The following ZBTB7C variants were observed in gnomAD, a reference collection of about 807,000 sequenced individuals.
The protein encoded by ZBTB7C is zinc finger and BTB domain containing 7C.
ZBTB7C carries 8 observed loss-of-function variants against 25.7 expected under a neutral mutation model. The ratio of observed to expected loss-of-function variants is 0.31; its 90% confidence interval spans 0.18 to 0.56. The LOEUF is 0.56. ZBTB7C is among the 20% of genes least tolerant of loss of function. The pLI is 0.91. For synonymous variants in ZBTB7C, 394 were observed against 369.0 expected, an observed-to-expected ratio of 1.07 and a Z score of -0.78; for missense variants, 824 against 855.2, an observed-to-expected ratio of 0.96 and a Z score of 0.46.
At chr18:48,107,779 G>A (rs961666294) in intron 3 of ZBTB7C, among the ~76,000 whole-genome samples, 5 of 152,134 alleles carry the variant, frequency 3.3e-5, no homozygotes, top group African/African-American at 9.7e-5. Context: ...GCTCAGGCAC[G>A]AGCTTGTCTC....
intron 3 of ZBTB7C, among the ~76,000 whole-genome samples, chr18:48,159,600 A>G (rs901579246): frequency 2.0e-5 from 3 of 152,154 alleles, no homozygotes; most frequent in African/African-American, 7.2e-5. Context: ...GCCAAGCTCA[A>G]CTCTCCTAAG....
At chr18:48,278,920 T>G (rs1347371196) in intron 2 of ZBTB7C, among the ~76,000 whole-genome samples, 1 of 151,992 alleles carries the variant, frequency 6.6e-6, no homozygotes, top group Non-Finnish European at 1.5e-5. Flanking sequence ...TTTCTGGATT[T>G]TTCTGTGTTG....
chr18:48,196,391 G>A (rs966053453), intron 2 of ZBTB7C, among the ~76,000 whole-genome samples: 17 of 152,160 alleles, frequency 1.1e-4, no homozygotes, highest in Non-Finnish European at 5.9e-5. Flanking sequence ...ACAGACAACA[G>A]CCAAATGCAC....
At chr18:48,399,461 G>C (rs919533192) in intron 1 of ZBTB7C, among the ~76,000 whole-genome samples, 1 of 152,216 alleles carries the variant, frequency 6.6e-6, no homozygotes, top group Non-Finnish European at 1.5e-5. Context: ...GTTCAAGGCA[G>C]CCTGTTGCGT....
chr18:48,052,006 G>A (rs2036706867), intron 3 of ZBTB7C, among the ~76,000 whole-genome samples: 1 of 152,190 alleles, frequency 6.6e-6, no homozygotes, highest in Non-Finnish European at 1.5e-5. Flanking sequence ...TACTACTTGT[G>A]TTTATTACAG....
intron 1 of ZBTB7C, among the ~76,000 whole-genome samples, chr18:48,339,187 T>C (rs902660312): frequency 1.3e-5 from 2 of 152,216 alleles, no homozygotes; most frequent in African/African-American, 4.8e-5. Flanking sequence ...CAGCCCTGCA[T>C]CTCTGAGCAG....
rs574501609 is a variant in ZBTB7C at position 48,344,048 on chromosome 18, G to A, written c.-303-5650C>T. ...CACCTAGGCTGGAGTGCAGTGGCACGATCTCGGCTCACTGCAACCTCCACC... is the reference window on the plus strand; with the variant it reads ...CACCTAGGCTGGAGTGCAGTGGCACAATCTCGGCTCACTGCAACCTCCACC... On this transcript the variant is annotated intron_variant, in intron 1 of 4. Transcript: ENST00000590800. Among the ~76,000 whole-genome samples the A allele has an allele frequency of 1.1e-4, 16 of 152,250 alleles. No homozygotes were observed. In the South Asian group the frequency reaches 1.5e-3, roughly 14 times the overall value.
intron 3 of ZBTB7C, among the ~76,000 whole-genome samples, chr18:48,056,818 G>A (rs959992743): frequency 6.6e-6 from 1 of 151,852 alleles, no homozygotes; most frequent in Non-Finnish European, 1.5e-5. Context: ...TAATTGCAAA[G>A]GAAAAATATT....
intron 2 of ZBTB7C, among the ~76,000 whole-genome samples, chr18:48,231,119 G>A (rs961597562): frequency 1.3e-5 from 2 of 152,186 alleles, no homozygotes; most frequent in Non-Finnish European, 1.5e-5. Flanking sequence ...TGGCACTGTG[G>A]ATGGCCGGTT....
chr18:48,127,676 C>G (rs2144754248), intron 3 of ZBTB7C, among the ~76,000 whole-genome samples: 1 of 152,352 alleles, frequency 6.6e-6, no homozygotes, highest in East Asian at 1.9e-4. Flanking sequence ...ACCTTTCATC[C>G]CAGCGTGGGC....
rs1453478290 is a variant in ZBTB7C at position 48,308,491 on chromosome 18, G to C, written c.-79+29683C>G. On this transcript the variant is annotated intron_variant, in intron 2 of 4. Coordinates refer to ENST00000590800, the MANE Select transcript of ZBTB7C (RefSeq NM_001318841.2). ...GGCATCCCGAGTCTCCTGCCAGCCT[G>C]GGGGCTGCCCTGAACTCTGACCATT... 2.0e-5 allele frequency among the ~76,000 whole-genome samples: 3 copies of C among 152,302 alleles called. 1 individual carries two copies. Among genetic ancestry groups the C allele is most frequent in the African/African-American group, 7.2e-5 (3 of 41,556 alleles).
rs117096964 is a variant in ZBTB7C, at chr18:48,263,529, C to T, written c.-79+74645G>A. Among the ~76,000 whole-genome samples, 9 of 152,246 alleles carry T rather than the reference C, an allele frequency of 5.9e-5. No individual in the cohort carries two copies. In the East Asian group the frequency reaches 1.7e-3, roughly 29 times the overall value. ...AAAAAATGTACTTAATGAATGCATGCAGCTGAGCATTCTGGTGTCCCGAAA... is the reference window on the plus strand; with the variant it reads ...AAAAAATGTACTTAATGAATGCATGTAGCTGAGCATTCTGGTGTCCCGAAA... On this transcript the variant is annotated intron_variant, in intron 2 of 4. Coordinates refer to ENST00000590800, the MANE Select transcript of ZBTB7C (RefSeq NM_001318841.2).
chr18:48,245,068 G>GA (rs1433072336), intron 2 of ZBTB7C, among the ~76,000 whole-genome samples: 3 of 131,452 alleles, frequency 2.3e-5, no homozygotes, highest in East Asian at 4.3e-4. Flanking sequence ...TCAACAAGTG[G>GA]AAAAAAAAGT....
intron 2 of ZBTB7C, among the ~76,000 whole-genome samples, chr18:48,196,612 A>C (rs2042323777): frequency 6.6e-6 from 1 of 152,102 alleles, no homozygotes; most frequent in South Asian, 2.1e-4. Context: ...CCACGGACTT[A>C]TCTCTCATTC....
chr18:48,223,720 G>A (rs1237719183), intron 2 of ZBTB7C, among the ~76,000 whole-genome samples: 5 of 152,288 alleles, frequency 3.3e-5, no homozygotes, highest in Middle Eastern at 3.4e-3. Context: ...GTCACTTAAC[G>A]TCCTTTAACC....
intron 3 of ZBTB7C, among the ~76,000 whole-genome samples, chr18:48,130,778 C>T (rs1228378318): frequency 6.6e-6 from 1 of 152,238 alleles, no homozygotes; most frequent in Non-Finnish European, 1.5e-5. Flanking sequence ...GAAATTGAGG[C>T]AAAGAGAGGT....
chr18:48,167,224 C>T (rs548354181), intron 3 of ZBTB7C, among the ~76,000 whole-genome samples: 4 of 152,168 alleles, frequency 2.6e-5, no homozygotes, highest in African/African-American at 4.8e-5. Context: ...CTCTCACAAC[C>T]GCCTTCACTT....
chr18:48,318,792 G>A (rs4940354), intron 2 of ZBTB7C, among the ~76,000 whole-genome samples: 33,057 of 152,106 alleles, frequency 0.22, 4,536 homozygotes, highest in East Asian at 0.66. Context: ...GCACTCCTGA[G>A]TGAGGCCCCC....
intron 1 of ZBTB7C, among the ~76,000 whole-genome samples, chr18:48,367,500 A>C (rs2047273947): frequency 1.3e-5 from 2 of 151,244 alleles, no homozygotes; most frequent in African/African-American, 2.4e-5. Flanking sequence ...CCAGACTTGG[A>C]GATGAAGAAG....
Sources: gnomAD v4.1 joint callset for allele counts (sites outside exome capture counted in the v4.1 genomes callset) on GRCh38, gnomAD v4.1.1 for gene constraint, MANE v1.5 for transcripts, NCBI Gene and HGNC (gene_info 2026-07-23, HGNC 2026-07-21) for gene names.